SP110: variants seen among roughly 807,000 people sequenced by gnomAD.
The protein encoded by SP110 is SP110 nuclear body protein, also known as interferon-induced protein 41, 30kD.
In SP110, 62 loss-of-function variants were observed where a neutral mutation model predicts 92.7. The observed-to-expected ratio is 0.67, with a 90% CI of 0.55 to 0.83. The LOEUF is 0.83. Among genes scored for constraint, SP110 ranks in the 40% least tolerant of loss-of-function variants. The pLI is 0.00. For missense variants in SP110, 793 were observed against 863.9 expected (o/e 0.92, Z 1.03); for synonymous variants, 273 against 305.3 (o/e 0.89, Z 1.10).
At chr2:230,221,812 A>G (rs1426915569), upstream of SP110, 3 of 1,235,414 alleles carry the variant, frequency 2.4e-6, no homozygotes, top group African/African-American at 3.0e-5. Flanking sequence ...AGGCAAATGC[A>G]AAACAAACAA....
chr2:230,201,571 A>G (rs1449286402), intron 9 of SP110, among the ~76,000 whole-genome samples: 1 of 152,250 alleles, frequency 6.6e-6, no homozygotes, highest in Non-Finnish European at 1.5e-5. Context: ...TCTACCCTTG[A>G]GTACATATCT....
At chr2:230,194,148 G>C (rs2042757611) in intron 10 of SP110, among the ~76,000 whole-genome samples, 1 of 152,096 alleles carries the variant, frequency 6.6e-6, no homozygotes, top group Non-Finnish European at 1.5e-5. Context: ...AGAAAAATTA[G>C]AGGGCTTTCC....
At position 230,212,397 on chromosome 2, in the gene SP110, G is replaced by A. The variant is rs28930679; in HGVS notation, c.617C>T (p.Ala206Val). The A allele has an allele frequency of 0.23, 371,501 of 1,606,272 alleles. 44,658 individuals are homozygous for A. Among genetic ancestry groups the A allele is most frequent in the Middle Eastern group, 0.27 (1,643 of 6,046 alleles). The change falls in exon 5 of 19, where the codon GCG becomes GTG. Residue 206 changes from alanine to valine, a missense_variant. Physicochemically the swap from Ala to Val is moderately conservative, Grantham distance 64. Transcript: ENST00000258381. ...GGGCATCTCTTCTGAGTCTTCTTCC[G>A]CATTCATTTTGGATGTTAACTTGTC... is the stretch of plus-strand genomic sequence containing the variant. ...TNDKLTSKMN[A>V]EEDSEEMPSL...
chr2:230,173,105 C>T (rs950183695), intron 14 of SP110, 146 bp from the exon 15 acceptor site: 2 of 665,416 alleles, frequency 3.0e-6, no homozygotes, highest in African/African-American at 3.6e-5. Context: ...ATGCCACCTC[C>T]CTGGGGGAAA....
chr2:230,223,286 C>T (rs1488972947), upstream of SP110, among the ~76,000 whole-genome samples: 5 of 152,322 alleles, frequency 3.3e-5, no homozygotes, highest in East Asian at 7.7e-4. Flanking sequence ...CTGCCTGCCT[C>T]AGCCTCCCGA....
At chr2:230,173,085 G>T in intron 14 of SP110, 126 bp from the exon 15 acceptor site, 1 of 697,876 alleles carries the variant, frequency 1.4e-6, no homozygotes, top group South Asian at 1.5e-5. Flanking sequence ...ATTTTTGATG[G>T]GGGGAGCTGA....
At chr2:230,200,741 G>A (rs1423654383) in intron 10 of SP110, 144 bp downstream of exon 10, 1 of 705,186 alleles carries the variant, frequency 1.4e-6, no homozygotes, top group Non-Finnish European at 2.6e-6. Context: ...GAAGGGTCTT[G>A]ATTAAGAAAA....
At chr2:230,191,016 T>C (rs2042604778) in intron 10 of SP110, among the ~76,000 whole-genome samples, 1 of 152,224 alleles carries the variant, frequency 6.6e-6, no homozygotes, top group South Asian at 2.1e-4. Context: ...TCCTTTTTGC[T>C]TAGGATTGTC....
rs765616523 is a variant in SP110 at position 230,177,573 on chromosome 2, G to C, written c.1555C>G (p.Arg519Gly). The C allele has an allele frequency of 6.2e-7, 1 of 1,613,930 alleles. No homozygotes were observed. Among genetic ancestry groups the C allele is most frequent in the East Asian group, 2.2e-5 (1 of 44,886 alleles). The change falls in exon 14 of 19, where the codon CGT becomes GGT. Residue 519 changes from arginine to glycine, a missense_variant. Physicochemically the swap from Arg to Gly is moderately radical, Grantham distance 125. Transcript: ENST00000258381. ...RNAKNWKRNI[R>G]CEGMTLGELL... ...TCTCCTAGGGTCATTCCTTCACAAC[G>C]TATATTCCGTTTCCAGTTCTTTGCG... is the stretch of plus-strand genomic sequence containing the variant.
At chr2:230,200,735 G>T (rs2043094059) in intron 10 of SP110, 150 bp downstream of exon 10, 3 of 687,326 alleles carry the variant, frequency 4.4e-6, no homozygotes, top group Non-Finnish European at 7.9e-6. Context: ...TCATGGGAAG[G>T]GTCTTGATTA....
At chr2:230,176,499 T>G in intron 14 of SP110, 1 of 1,516,332 alleles carries the variant, frequency 6.6e-7, no homozygotes, top group Non-Finnish European at 8.8e-7. Context: ...ATTTTTATTT[T>G]AGAGTCATTT....
chr2:230,193,169 T>C (rs1468409632), intron 10 of SP110, among the ~76,000 whole-genome samples: 1 of 152,224 alleles, frequency 6.6e-6, no homozygotes, highest in Non-Finnish European at 1.5e-5. Flanking sequence ...TGAGAAAAGC[T>C]ACTCCTGTTT....
At chr2:230,188,748 G>A (rs889756298) in intron 10 of SP110, among the ~76,000 whole-genome samples, 2 of 151,988 alleles carry the variant, frequency 1.3e-5, no homozygotes, top group African/African-American at 4.8e-5. Flanking sequence ...AATGATCTAT[G>A]GTTTTTAATT....
At chr2:230,189,910 A>G (rs2148778636) in intron 10 of SP110, among the ~76,000 whole-genome samples, 1 of 152,312 alleles carries the variant, frequency 6.6e-6, no homozygotes. Context: ...TCCATGATGT[A>G]TATGTACCAC....
chr2:230,225,004 A>T (rs1268582860), intron 1 of SP110, among the ~76,000 whole-genome samples: 1 of 152,198 alleles, frequency 6.6e-6, no homozygotes, highest in Non-Finnish European at 1.5e-5. Context: ...TAAATGAAAA[A>T]TTGTGTGCAA....
chr2:230,224,426 AGAGG>A (rs201827827), upstream of SP110, among the ~76,000 whole-genome samples: 941 of 106,628 alleles, frequency 8.8e-3, 14 homozygotes, highest in African/African-American at 0.033. Flanking sequence ...CTTGTTTTAA[AGAGG>A]GAGGGAGAGG....
chr2:230,208,015 G>A lies in SP110; in HGVS notation c.874C>T (p.His292Tyr), dbSNP rs767029509. The change falls in exon 8 of 19, where the codon CAT (histidine) becomes TAT (tyrosine). Residue 292 changes from histidine to tyrosine, a missense_variant. Transcript: ENST00000258381. ...CCTCCTGGGAGGCTTTTTTTCTTAT[G>A]TCTCCTTTTTGGAGTTGACCAGATA... ...RCIWSTPKRR[H>Y]KKKSLPGGTA... 4.5e-6 allele frequency: 7 copies of A among 1,565,484 alleles called. No homozygotes were observed. The East Asian group carries it at 1.6e-4, about 35-fold the overall frequency.
chr2:230,205,365 T>C (rs2043653760), intron 8 of SP110, among the ~76,000 whole-genome samples: 1 of 152,180 alleles, frequency 6.6e-6, no homozygotes, highest in South Asian at 2.1e-4. Flanking sequence ...TGCCTCAGGT[T>C]CTTTGCACTT....
At chr2:230,185,969 T>C (rs745320204) in intron 11 of SP110, 25 bp downstream of exon 11, 28 of 1,610,308 alleles carry the variant, frequency 1.7e-5, no homozygotes, top group Non-Finnish European at 2.2e-5. Flanking sequence ...GCTATTCAAA[T>C]AGCAGATTCC....
Sources: allele counts gnomAD v4.1 joint callset (sites outside exome capture counted in the v4.1 genomes callset), GRCh38; gene constraint gnomAD v4.1.1; transcripts MANE v1.5; gene names NCBI Gene and HGNC (gene_info 2026-07-23, HGNC 2026-07-21).